The following CDK18 variants were observed in gnomAD, a reference collection of about 807,000 sequenced individuals.
CDK18 encodes cyclin dependent kinase 18.
CDK18 carries 52 observed loss-of-function variants against 62.0 expected under a neutral mutation model. That is an observed-to-expected ratio of 0.84 (90% CI 0.67 to 1.06). CDK18 has a LOEUF of 1.06. CDK18 is among the 50% of genes least tolerant of loss of function. The pLI is 0.00. For synonymous variants in CDK18, 237 were observed against 247.0 expected (o/e 0.96, Z 0.38); for missense variants, 604 against 619.9 (o/e 0.97, Z 0.27).
In CDK18 at chr1:205,527,745, G is replaced by A. The variant is rs1399754652; in HGVS notation, c.730-49G>A. On this transcript the variant is annotated intron_variant, in intron 8 of 15. Transcript: ENST00000429964. The surrounding 1 kb of genome is among the most constrained non-coding windows in gnomAD (Gnocchi z 4.1). ...CCATCCTGGTCCCAGCCTTGGAGCAGAGGCTCAGGGCCACCTTCCACCCCA... is the reference window on the plus strand; with the variant it reads ...CCATCCTGGTCCCAGCCTTGGAGCAAAGGCTCAGGGCCACCTTCCACCCCA... 8 of 1,600,328 alleles carry A rather than the reference G, an allele frequency of 5.0e-6. No homozygotes were observed. The highest frequency in any genetic ancestry group is 6.8e-6 in the Non-Finnish European group (8 of 1,171,204).
At chr1:205,515,074 G>C (rs905202827) in intron 1 of CDK18, among the ~76,000 whole-genome samples, 1 of 152,134 alleles carries the variant, frequency 6.6e-6, no homozygotes. Context: ...TTCTGGGGAG[G>C]GGTGAGAGCT....
At position 205,516,264 on chromosome 1, in the gene CDK18, A is replaced by G. The variant is rs1014024440; in HGVS notation, c.-21-6883A>G. ...GCTCATGACGTCTGCAAACTTGGTCAGCCATGGCCTCTAGTTCTTTGAAAT... is the reference window on the plus strand; with the variant it reads ...GCTCATGACGTCTGCAAACTTGGTCGGCCATGGCCTCTAGTTCTTTGAAAT... On this transcript the variant is annotated intron_variant, in intron 1 of 15. Transcript: ENST00000429964. This position sits in a 1 kb window ranked among gnomAD's most constrained non-coding sequence, Gnocchi z 4.8. Among the ~76,000 whole-genome samples the G allele has an allele frequency of 1.1e-4, 17 of 152,238 alleles. No homozygotes were observed. The highest frequency in any genetic ancestry group is 2.6e-4 in the African/African-American group (11 of 41,544).
intron 1 of CDK18, among the ~76,000 whole-genome samples, chr1:205,509,668 A>ATC (rs1334174464): frequency 1.3e-5 from 2 of 152,134 alleles, no homozygotes; most frequent in Non-Finnish European, 2.9e-5. Context: ...TGGCAGAGTT[A>ATC]ATGGGCTACA....
chr1:205,527,584 T>A lies in CDK18; in HGVS notation c.730-210T>A. The A allele has an allele frequency of 7.7e-6, 4 of 519,598 alleles. No individual in the cohort carries two copies. Among genetic ancestry groups the A allele is most frequent in the Admixed American group, 6.5e-5 (2 of 30,540 alleles). The allele number at this position is 519,598 out of a possible 1,614,324, so 32.2% of individuals were successfully genotyped here. ...GAGACTTCGCTGGCCTCCCCCACACTCACTGCGTCCTCTGCACCCCTGCTG... is the reference window on the plus strand; with the variant it reads ...GAGACTTCGCTGGCCTCCCCCACACACACTGCGTCCTCTGCACCCCTGCTG... On this transcript the variant is annotated intron_variant, in intron 8 of 15. Transcript: ENST00000429964. This position sits in a 1 kb window ranked among gnomAD's most constrained non-coding sequence, Gnocchi z 4.1.
intron 1 of CDK18, among the ~76,000 whole-genome samples, chr1:205,505,350 G>A (rs1667255195): frequency 6.6e-6 from 1 of 152,150 alleles, no homozygotes; most frequent in Admixed American, 6.5e-5. Flanking sequence ...GGAGCCCTGG[G>A]AAGAACGTGG....
At position 205,523,284 on chromosome 1, in the gene CDK18, C is replaced by T; in HGVS notation, c.117C>T (p.Asn39=). The T allele has an allele frequency of 6.2e-7, 1 of 1,614,170 alleles. No individual in the cohort carries two copies. Among genetic ancestry groups the T allele is most frequent in the Non-Finnish European group, 8.5e-7 (1 of 1,180,028 alleles). The change falls in exon 2 of 16, where the codon AAC becomes AAT. Residue 39 remains asparagine, a synonymous_variant. Coordinates refer to ENST00000429964, the MANE Select transcript of CDK18 (RefSeq NM_212502.3). ...CGGAGCAATTCAACCAGCTCCACAA[C>T]CGGCGGAATGAGAGTGAGGGGTCTG... ...EFTEQFNQLH[N]RRNENLQLGP...
In CDK18 at chr1:205,526,171, TC is replaced by T. The variant is rs1313452718; in HGVS notation, c.565del (p.Arg189GlufsTer6). 1 of 1,613,088 alleles carries T rather than the reference TC, an allele frequency of 6.2e-7. No individual in the cohort carries two copies. Among genetic ancestry groups the T allele is most frequent in the Non-Finnish European group, 8.5e-7 (1 of 1,179,364 alleles). On this transcript the variant is annotated frameshift_variant, in exon 6 of 16. Transcript: ENST00000429964. LOFTEE classifies it high-confidence loss of function. The stretch of plus-strand genomic sequence containing the variant: ...GAGGAGGGAGCGCCCTGCACTGCCA[TC>T]CGAGAGGGTACAGCATCCTAGGCTC... The part of the protein sequence containing the change: ...EHEEGAPCTA[I>X]REVSLLKNLK...
rs138419771 is a variant in CDK18, at chr1:205,523,281, C to A, written c.114C>A (p.His38Gln). ...TCACGGAGCAATTCAACCAGCTCCA[C>A]AACCGGCGGAATGAGAGTGAGGGGT... Reference protein sequence around the residue: ...AEFTEQFNQLHNRRNENLQLG... With the variant: ...AEFTEQFNQLQNRRNENLQLG... The change falls in exon 2 of 16, where the codon CAC (histidine) becomes CAA (glutamine). Residue 38 changes from histidine (H) to glutamine (Q), a missense_variant. Physicochemically the swap from His to Gln is conservative, Grantham distance 24. Transcript: ENST00000429964. The A allele has an allele frequency of 6.2e-7, 1 of 1,614,160 alleles. No individual in the cohort carries two copies.
chr1:205,523,457 G>C (rs1029636704), intron 2 of CDK18, 26 bp from the exon 3 acceptor site: 1 of 1,596,618 alleles, frequency 6.3e-7, no homozygotes, highest in Admixed American at 1.7e-5. Context: ...GAGGCAGGGA[G>C]GGGAGCTGAC....
intron 1 of CDK18, among the ~76,000 whole-genome samples, chr1:205,513,010 G>T (rs1370444726): frequency 2.0e-5 from 3 of 152,182 alleles, no homozygotes; most frequent in Admixed American, 2.0e-4. Context: ...CTGAGAGAGG[G>T]CTATTGGGTG....
chr1:205,520,903 G>A (rs1668089005), intron 1 of CDK18, among the ~76,000 whole-genome samples: 1 of 152,098 alleles, frequency 6.6e-6, no homozygotes, highest in South Asian at 2.1e-4. Flanking sequence ...CAAGTGTGAG[G>A]CATGGTGGCT....
At chr1:205,526,218 C>T in intron 6 of CDK18, 39 bp downstream of exon 6, 1 of 1,575,026 alleles carries the variant, frequency 6.3e-7, no homozygotes. Flanking sequence ...CTGGGGGCTT[C>T]AGGAGGAGGG....
intron 1 of CDK18, among the ~76,000 whole-genome samples, chr1:205,514,398 A>C (rs1667718878): frequency 6.6e-6 from 1 of 152,052 alleles, no homozygotes; most frequent in African/African-American, 2.4e-5. Flanking sequence ...GGGCTGGGTG[A>C]CTGGACAGTC....
chr1:205,508,296 C>G (rs1006682428), intron 1 of CDK18, among the ~76,000 whole-genome samples: 6 of 152,210 alleles, frequency 3.9e-5, no homozygotes, highest in African/African-American at 1.4e-4. Flanking sequence ...GGGAGCAGAC[C>G]AAGGTTAATC....
In CDK18 at chr1:205,517,762, G is replaced by T. The variant is rs551696696; in HGVS notation, c.-21-5385G>T. On this transcript the variant is annotated intron_variant, in intron 1 of 15. Coordinates refer to ENST00000429964, the MANE Select transcript of CDK18 (RefSeq NM_212502.3). The surrounding 1 kb of genome is among the most constrained non-coding windows in gnomAD (Gnocchi z 4.1). ...CTTCTCACCATCTCCACTGCCCCCC[G>T]CTGGTCCCAGCCACCATCAAGCTCT... is the stretch of plus-strand genomic sequence containing the variant. Among the ~76,000 whole-genome samples the T allele has an allele frequency of 5.9e-5, 9 of 151,814 alleles. No individual in the cohort carries two copies. The highest frequency in any genetic ancestry group is 3.4e-3 in the Middle Eastern group (1 of 294).
intron 1 of CDK18, among the ~76,000 whole-genome samples, chr1:205,512,225 C>T (rs1162473166): frequency 2.0e-5 from 3 of 152,076 alleles, no homozygotes; most frequent in Admixed American, 2.0e-4. Flanking sequence ...ATGAGGTCAC[C>T]CAGGAAGCAT....
At chr1:205,509,097 C>G (rs547128759) in intron 1 of CDK18, among the ~76,000 whole-genome samples, 1 of 152,130 alleles carries the variant, frequency 6.6e-6, no homozygotes, top group Admixed American at 6.5e-5. Context: ...TGCAGTGAGC[C>G]GAGGTCGCAC....
Position 205,529,355 on chromosome 1 carries a change from G to C in CDK18, c.1104G>C (p.Val368=). The C allele has an allele frequency of 1.9e-6, 3 of 1,613,978 alleles. No individual in the cohort carries two copies. The highest frequency in any genetic ancestry group is 2.5e-6 in the Non-Finnish European group (3 of 1,179,940). The stretch of plus-strand genomic sequence containing the variant: ...CCACAGAAGAGACGTGGCCCGGCGT[G>C]ACCGCCTTCTCTGAGTTCCGCACCT... ...GTPTEETWPG[V]TAFSEFRTYS... The change falls in exon 12 of 16, where the codon GTG becomes GTC. Residue 368 remains valine, a synonymous_variant. Coordinates refer to ENST00000429964, the MANE Select transcript of CDK18 (RefSeq NM_212502.3).
intron 1 of CDK18, among the ~76,000 whole-genome samples, chr1:205,511,830 G>A (rs986665869): frequency 3.3e-5 from 5 of 152,176 alleles, no homozygotes; most frequent in Admixed American, 3.3e-4. Context: ...GAGGCGGGCG[G>A]ATTACCTGAG....
Sources: gnomAD v4.1 joint callset for allele counts (sites outside exome capture counted in the v4.1 genomes callset) on GRCh38, gnomAD v4.1.1 for gene constraint, Gnocchi (gnomAD v3.1) non-coding constraint, MANE v1.5 for transcripts, NCBI Gene and HGNC (gene_info 2026-07-23, HGNC 2026-07-21) for gene names.